CSMD3: variants seen among roughly 807,000 people sequenced by gnomAD.
CSMD3 encodes CUB and sushi domain-containing protein 3.
In CSMD3, 177 loss-of-function variants were observed where a neutral mutation model predicts 435.2. The observed-to-expected ratio is 0.41, with a 90% CI of 0.36 to 0.46. The LOEUF is 0.46. Ranked by LOEUF, CSMD3 falls within the 20% of genes least tolerant of loss-of-function variation. The probability of loss-of-function intolerance (pLI) is 0.34; values close to 1 mark genes in which losing one functional copy is unlikely to be tolerated. For missense variants in CSMD3, 4,265 were observed against 4,504.6 expected, an observed-to-expected ratio of 0.95 and a Z score of 1.52; for synonymous variants, 1,656 against 1,520.5, an observed-to-expected ratio of 1.09 and a Z score of -2.07.
chr8:112,291,370 G>A, intron 56 of CSMD3, 140 bp downstream of exon 56: 1 of 671,478 alleles, frequency 1.5e-6, no homozygotes, highest in Non-Finnish European at 2.5e-6. Flanking sequence ...ATATAGAAAA[G>A]TATAATTTCA....
intron 22 of CSMD3, among the ~76,000 whole-genome samples, chr8:112,627,847 T>C (rs1348317494): frequency 1.3e-5 from 2 of 152,174 alleles, no homozygotes; most frequent in Non-Finnish European, 2.9e-5. Flanking sequence ...TGAGCACCTG[T>C]TACTTGCCAA....
intron 39 of CSMD3, among the ~76,000 whole-genome samples, chr8:112,351,552 T>C (rs1463479714): frequency 1.3e-5 from 2 of 151,930 alleles, no homozygotes; most frequent in African/African-American, 2.4e-5. Context: ...ATTATATAAG[T>C]GAAAGGGCAG....
intron 5 of CSMD3, among the ~76,000 whole-genome samples, chr8:113,056,402 G>A (rs1409076600): frequency 1.3e-5 from 2 of 152,190 alleles, no homozygotes; most frequent in Non-Finnish European, 2.9e-5. Flanking sequence ...TTCTGATGGT[G>A]ATGTTTAAGT....
At chr8:113,345,166 G>C (rs2094144006) in intron 1 of CSMD3, among the ~76,000 whole-genome samples, 1 of 152,022 alleles carries the variant, frequency 6.6e-6, no homozygotes, top group Non-Finnish European at 1.5e-5. Context: ...CTATTTGTAA[G>C]TACTGATAAA....
intron 14 of CSMD3, among the ~76,000 whole-genome samples, chr8:112,687,137 G>T (rs1239355322): frequency 6.6e-6 from 1 of 151,890 alleles, no homozygotes; most frequent in Non-Finnish European, 1.5e-5. Context: ...CTAAATTTCT[G>T]ATTTAAAGTT....
intron 32 of CSMD3, among the ~76,000 whole-genome samples, chr8:112,444,963 C>T (rs73328634): frequency 0.058 from 8,799 of 152,110 alleles, 299 homozygotes; most frequent in South Asian, 0.12. Flanking sequence ...ACATAGCAGG[C>T]CAATTGTGGT....
chr8:112,767,036 A>C (rs1432600816), intron 13 of CSMD3, among the ~76,000 whole-genome samples: 1 of 151,888 alleles, frequency 6.6e-6, no homozygotes, highest in Non-Finnish European at 1.5e-5. Context: ...GAAATGTACT[A>C]TAAATGGTAG....
intron 1 of CSMD3, among the ~76,000 whole-genome samples, chr8:113,416,926 C>T (rs892109534): frequency 5.3e-5 from 8 of 152,082 alleles, no homozygotes; most frequent in Admixed American, 3.3e-4. Context: ...CTGATGTTTA[C>T]TGTATGAATA....
chr8:112,600,553 A>T (rs1050569792), intron 22 of CSMD3, among the ~76,000 whole-genome samples: 1 of 152,214 alleles, frequency 6.6e-6, no homozygotes, highest in Admixed American at 6.5e-5. Flanking sequence ...ATGCAAAGAG[A>T]AGGCAATCCT....
intron 1 of CSMD3, among the ~76,000 whole-genome samples, chr8:113,352,960 G>C (rs972950203): frequency 2.6e-5 from 4 of 152,140 alleles, no homozygotes; most frequent in Non-Finnish European, 4.4e-5. Flanking sequence ...TGTTTTAAAA[G>C]AGGTGATACT....
At chr8:112,890,631 C>T (rs2081757071) in intron 10 of CSMD3, among the ~76,000 whole-genome samples, 1 of 151,662 alleles carries the variant, frequency 6.6e-6, no homozygotes, top group Admixed American at 6.6e-5. Context: ...TTTCAAACTT[C>T]TGTCATTTTT....
intron 45 of CSMD3, among the ~76,000 whole-genome samples, chr8:112,323,711 C>T (rs1429114634): frequency 2.0e-5 from 3 of 151,998 alleles, no homozygotes. Flanking sequence ...ATTAAATTGG[C>T]CTATAGTGTG....
chr8:112,968,938 TA>T (rs1376654706), intron 7 of CSMD3, among the ~76,000 whole-genome samples: 4 of 152,024 alleles, frequency 2.6e-5, no homozygotes, highest in Non-Finnish European at 1.5e-5. Context: ...ATTCATACTT[TA>T]TAAAAGTCTT....
At chr8:112,738,079 C>T (rs982505983) in intron 13 of CSMD3, among the ~76,000 whole-genome samples, 2 of 151,596 alleles carry the variant, frequency 1.3e-5, no homozygotes, top group East Asian at 1.9e-4. Flanking sequence ...TAAGACCTGA[C>T]GTTGGTTTAT....
intron 5 of CSMD3, among the ~76,000 whole-genome samples, chr8:113,086,402 A>C (rs1296917456): frequency 6.6e-6 from 1 of 152,220 alleles, no homozygotes; most frequent in Non-Finnish European, 1.5e-5. Flanking sequence ...ATAGGTTATA[A>C]ATTGAACCTG....
intron 30 of CSMD3, among the ~76,000 whole-genome samples, chr8:112,502,540 C>A (rs563923728): frequency 3.3e-5 from 5 of 152,274 alleles, no homozygotes; most frequent in Admixed American, 1.3e-4. Flanking sequence ...GTTTCATTTC[C>A]CTAAAAACAT....
At chr8:112,838,626 T>G (rs1203772631) in intron 11 of CSMD3, among the ~76,000 whole-genome samples, 3 of 151,794 alleles carry the variant, frequency 2.0e-5, no homozygotes, top group Non-Finnish European at 2.9e-5. Flanking sequence ...AATCTATGCC[T>G]TGGCAGGACT....
At position 112,925,435 on chromosome 8, in the gene CSMD3, C is replaced by T. The variant is rs1269353680; in HGVS notation, c.1509-3684G>A. On this transcript the variant is annotated intron_variant, in intron 9 of 70. Coordinates refer to ENST00000297405, the MANE Select transcript of CSMD3 (RefSeq NM_198123.2). ...AAAATTAACCCAGCGTGTTGGCGGG[C>T]ACCTGTAGTCCCAGCTACTGGGGAG... Among the ~76,000 whole-genome samples the T allele has an allele frequency of 4.6e-5, 7 of 151,822 alleles. No individual in the cohort carries two copies. The East Asian group carries it at 1.2e-3, about 25-fold the overall frequency.
chr8:112,600,845 T>A (rs1015032563), intron 22 of CSMD3, among the ~76,000 whole-genome samples: 3 of 151,982 alleles, frequency 2.0e-5, no homozygotes, highest in Admixed American at 6.6e-5. Flanking sequence ...GCCCAGCTAA[T>A]TTTATGTATT....
Sources: allele counts gnomAD v4.1 joint callset (sites outside exome capture counted in the v4.1 genomes callset), GRCh38; gene constraint gnomAD v4.1.1; transcripts MANE v1.5; gene names NCBI Gene and HGNC (gene_info 2026-07-23, HGNC 2026-07-21).